Variants in SEZ6L observed in about 807,000 individuals in gnomAD.
SEZ6L encodes the protein seizure 6-like protein.
In SEZ6L, 37 loss-of-function variants were observed where a neutral mutation model predicts 106.2. That is an observed-to-expected ratio of 0.35 (90% CI 0.27 to 0.46). The LOEUF (loss-of-function observed/expected upper bound fraction) is 0.46, where lower values mean the gene tolerates loss of function less well. SEZ6L is among the 20% of genes least tolerant of loss of function. The pLI is 1.00. For missense variants in SEZ6L, 1,172 were observed against 1,332.8 expected, an observed-to-expected ratio of 0.88 and a Z score of 1.88; for synonymous variants, 541 against 570.4, an observed-to-expected ratio of 0.95 and a Z score of 0.73.
At chr22:26,374,664 G>A (rs763075500) in intron 14 of SEZ6L, among the ~76,000 whole-genome samples, 1 of 152,186 alleles carries the variant, frequency 6.6e-6, no homozygotes, top group Non-Finnish European at 1.5e-5. Flanking sequence ...ACCCCATAAA[G>A]TGGTGGTTAA....
intron 16 of SEZ6L, among the ~76,000 whole-genome samples, chr22:26,378,569 G>A (rs1040685336): frequency 3.9e-5 from 6 of 152,220 alleles, no homozygotes; most frequent in African/African-American, 1.4e-4. Context: ...AGGGCACTAG[G>A]AGAATGTATA....
At position 26,381,257 on chromosome 22, in the gene SEZ6L, T is replaced by C. The variant is rs1474469108; in HGVS notation, c.*962T>C. ...AAAAAGGAGGTGCCATGTTTGGAAA[T>C]GCAGGGGTGAGCTCTGGTTTCTCCT... On this transcript the variant is annotated 3_prime_UTR_variant, in exon 17 of 17. Transcript: ENST00000248933. 1.3e-5 allele frequency: 2 copies of C among 152,178 alleles called. No individual in the cohort carries two copies. The highest frequency in any genetic ancestry group is 1.9e-4 in the East Asian group (1 of 5,188). 9.4% of individuals were successfully genotyped at this position (152,178 alleles called of 1,614,324 possible). A position where few individuals can be genotyped will look rare whatever the true frequency, so the allele number is the denominator to read the frequency against.
At position 26,373,504 on chromosome 22, in the gene SEZ6L, A is replaced by T. The variant is rs200571404; in HGVS notation, c.2827+21A>T. The T allele has an allele frequency of 6.3e-4, 997 of 1,587,836 alleles. 1 individual carries two copies. Among genetic ancestry groups the T allele is most frequent in the Non-Finnish European group, 7.9e-4 (923 of 1,168,140 alleles). ...AGAAGGTGAGTTCCAGAACGAAAAA[A>T]AAAAAAGTTCAATAAATCAAACTAA... On this transcript the variant is annotated intron_variant, in intron 14 of 16. Coordinates refer to ENST00000248933, the MANE Select transcript of SEZ6L (RefSeq NM_021115.5).
At chr22:26,206,554 A>T (rs560897816) in intron 1 of SEZ6L, among the ~76,000 whole-genome samples, 2 of 152,362 alleles carry the variant, frequency 1.3e-5, no homozygotes, top group African/African-American at 2.4e-5. Flanking sequence ...TAATGAGATG[A>T]AGAGCCAGGA....
intron 1 of SEZ6L, among the ~76,000 whole-genome samples, chr22:26,249,528 G>A (rs2079494726): frequency 6.6e-6 from 1 of 152,152 alleles, no homozygotes; most frequent in African/African-American, 2.4e-5. Flanking sequence ...GTATTCGTGT[G>A]TGTGTGTGTG....
intron 9 of SEZ6L, among the ~76,000 whole-genome samples, chr22:26,321,142 T>A (rs2082141878): frequency 6.6e-6 from 1 of 152,196 alleles, no homozygotes; most frequent in Non-Finnish European, 1.5e-5. Flanking sequence ...ACTTAGGACA[T>A]CCCAAGCAGT....
chr22:26,183,313 G>A (rs1241650839), intron 1 of SEZ6L, among the ~76,000 whole-genome samples: 1 of 152,102 alleles, frequency 6.6e-6, no homozygotes, highest in African/African-American at 2.4e-5. Context: ...ACATATCCTT[G>A]CCCTCAAGAA....
chr22:26,299,883 C>G (rs1436357362), intron 5 of SEZ6L, among the ~76,000 whole-genome samples: 1 of 152,192 alleles, frequency 6.6e-6, no homozygotes, highest in Non-Finnish European at 1.5e-5. Flanking sequence ...GTATGTATAA[C>G]TTTTTGAGGA....
Position 26,340,498 on chromosome 22 carries a change from T to C in SEZ6L, c.2078T>C (p.Ile693Thr). Residue 693 changes from isoleucine (I) to threonine (T), a missense_variant, in exon 10 of 17, where the codon ATC becomes ACC. Physicochemically the swap from Ile to Thr is moderately conservative, Grantham distance 89 (BLOSUM62 -1). This residue lies in a region of SEZ6L where 534 missense variants were observed against 691.0 expected (regional missense o/e 0.77). Transcript: ENST00000248933. ...GATGGCGACGAGGTCATGCCCCACA[T>C]CTTGGGGCAGTACCTTGGGAACAGT... The part of the protein sequence containing the change: ...IYDGDEVMPH[I>T]LGQYLGNSGP... 6.2e-7 allele frequency: 1 copy of C among 1,613,986 alleles called. No homozygotes were observed. Among genetic ancestry groups the C allele is most frequent in the Non-Finnish European group, 8.5e-7 (1 of 1,179,934 alleles).
At chr22:26,316,070 C>G (rs953006156) in intron 9 of SEZ6L, among the ~76,000 whole-genome samples, 2 of 152,016 alleles carry the variant, frequency 1.3e-5, no homozygotes, top group African/African-American at 4.8e-5. Context: ...AATAAAAATT[C>G]AAATTGAATT....
At chr22:26,225,821 C>G (rs937186582) in intron 1 of SEZ6L, among the ~76,000 whole-genome samples, 1 of 152,214 alleles carries the variant, frequency 6.6e-6, no homozygotes, top group African/African-American at 2.4e-5. Context: ...CACCCAGCAG[C>G]AAATCTTCCC....
At chr22:26,323,775 T>TTGATGATGATGA (rs149299221) in intron 9 of SEZ6L, among the ~76,000 whole-genome samples, 1 of 151,614 alleles carries the variant, frequency 6.6e-6, no homozygotes, top group African/African-American at 2.4e-5. Context: ...CATTATCTCA[T>TTGATGATGATGA]TGATGATGAT....
intron 1 of SEZ6L, among the ~76,000 whole-genome samples, chr22:26,262,576 G>A (rs2080049391): frequency 1.3e-5 from 2 of 152,152 alleles, no homozygotes; most frequent in South Asian, 4.1e-4. Context: ...TTCTTTCCTA[G>A]TGTGAAGGAC....
chr22:26,227,881 A>G (rs2078681036), intron 1 of SEZ6L, among the ~76,000 whole-genome samples: 1 of 152,218 alleles, frequency 6.6e-6, no homozygotes, highest in African/African-American at 2.4e-5. Flanking sequence ...GTGATGGAAG[A>G]TTTGCACACA....
At chr22:26,348,584 A>G (rs202036618) in intron 11 of SEZ6L, among the ~76,000 whole-genome samples, 10 of 79,142 alleles carry the variant, frequency 1.3e-4, no homozygotes, top group African/African-American at 6.2e-4. Flanking sequence ...GAAAGAAAGA[A>G]AGAGAAAGAA....
chr22:26,372,367 G>T (rs1292434793), intron 13 of SEZ6L, among the ~76,000 whole-genome samples: 1 of 152,128 alleles, frequency 6.6e-6, no homozygotes, highest in Non-Finnish European at 1.5e-5. Flanking sequence ...ACTCAACCAC[G>T]GTGCAACTCA....
At chr22:26,201,382 C>CAAAAAAAAAAAAAAAAAAAAAAAAAA (rs71192905) in intron 1 of SEZ6L, among the ~76,000 whole-genome samples, 27 of 75,172 alleles carry the variant, frequency 3.6e-4, no homozygotes, top group Admixed American at 8.1e-4. Flanking sequence ...TACAAAAATA[C>CAAAAAAAAAAAAAAAAAAAAAAAAAA]AAAAAAAAAA....
At chr22:26,364,517 T>C (rs1227030909) in intron 12 of SEZ6L, among the ~76,000 whole-genome samples, 13 of 151,286 alleles carry the variant, frequency 8.6e-5, no homozygotes. Context: ...TGCTTGACCC[T>C]GGGAGGTTAA....
intron 15 of SEZ6L, among the ~76,000 whole-genome samples, chr22:26,376,837 G>A (rs2146087416): frequency 6.6e-6 from 1 of 152,330 alleles, no homozygotes; most frequent in African/African-American, 2.4e-5. Flanking sequence ...GCAGGAACGT[G>A]ACTAAAATAG....
Sources: allele counts gnomAD v4.1 joint callset (sites outside exome capture counted in the v4.1 genomes callset), GRCh38; gene constraint gnomAD v4.1.1; regional missense constraint gnomAD v4.1.1; transcripts MANE v1.5; gene names NCBI Gene and HGNC (gene_info 2026-07-23, HGNC 2026-07-21).